Variants in STX1B observed in about 807,000 individuals in gnomAD.
STX1B encodes syntaxin 1B.
STX1B carries 7 observed loss-of-function variants against 39.4 expected under a neutral mutation model. The ratio of observed to expected loss-of-function variants is 0.18; its 90% CI spans 0.10 to 0.33. STX1B has a LOEUF of 0.33. STX1B is among the 10% of genes least tolerant of loss of function. The probability of loss-of-function intolerance (pLI) is 1.00; values close to 1 mark genes in which losing one functional copy is unlikely to be tolerated. For missense variants in STX1B, 198 were observed against 383.2 expected (o/e 0.52, Z 4.04); for synonymous variants, 136 against 144.1 (o/e 0.94, Z 0.40).
At chr16:30,996,635 G>A in intron 7 of STX1B, 48 bp downstream of exon 7, 6 of 1,580,422 alleles carry the variant, frequency 3.8e-6, no homozygotes, top group Non-Finnish European at 5.2e-6. Context: ...CTTAGGGAGG[G>A]GAGGCAAAAA....
At chr16:31,002,029 C>T (rs893487480) in intron 1 of STX1B, among the ~76,000 whole-genome samples, 15 of 152,150 alleles carry the variant, frequency 9.9e-5, no homozygotes, top group Non-Finnish European at 2.1e-4. Flanking sequence ...TACTCCTTCT[C>T]TTCCTCTCCT....
intron 4 of STX1B, among the ~76,000 whole-genome samples, chr16:30,998,741 C>A (rs986914167): frequency 1.3e-5 from 2 of 152,242 alleles, no homozygotes; most frequent in African/African-American, 4.8e-5. Context: ...TAAACCACGG[C>A]CACTTTTCCA....
At chr16:30,997,405 GC>G in intron 5 of STX1B, 96 bp downstream of exon 5, 1 of 492,268 alleles carries the variant, frequency 2.0e-6, no homozygotes, top group Non-Finnish European at 3.5e-6. Flanking sequence ...CCCTGACCAC[GC>G]CCCCGCCGGT....
At chr16:31,003,187 G>A (rs950470583) in intron 1 of STX1B, among the ~76,000 whole-genome samples, 1 of 152,198 alleles carries the variant, frequency 6.6e-6, no homozygotes, top group Non-Finnish European at 1.5e-5. Context: ...GAACTCCAGG[G>A]AGTCTTCACA....
chr16:31,000,961 T>G lies in STX1B; in HGVS notation c.247A>C (p.Lys83Gln). Reference sequence around the variant, plus strand: ...TTGGACCGAACCTTGTTGGCCGTCTTCTTGATGTCTGCAGTGAGATCCTCC... The same window carrying G: ...TTGGACCGAACCTTGTTGGCCGTCTGCTTGATGTCTGCAGTGAGATCCTCC... The part of the protein sequence containing the change: ...ELEDLTADIK[K>Q]TANKVRSKLK... Residue 83 changes from lysine (K) to glutamine (Q), a missense_variant, in exon 4 of 10, where the codon AAG becomes CAG. Transcript: ENST00000215095. The G allele has an allele frequency of 6.2e-7, 1 of 1,614,122 alleles. No homozygotes were observed. The highest frequency in any genetic ancestry group is 8.5e-7 in the Non-Finnish European group (1 of 1,180,018).
intron 1 of STX1B, among the ~76,000 whole-genome samples, chr16:31,010,147 C>T (rs1567381826): frequency 2.0e-5 from 3 of 152,116 alleles, no homozygotes; most frequent in Non-Finnish European, 4.4e-5. Context: ...CCTCTCCTGC[C>T]CCCTTGTGTC....
chr16:31,003,323 T>C (rs1335773901), intron 1 of STX1B, among the ~76,000 whole-genome samples: 3 of 152,090 alleles, frequency 2.0e-5, no homozygotes, highest in Non-Finnish European at 4.4e-5. Flanking sequence ...CCCCAGAAAG[T>C]GGGGCGGCAC....
rs554762823 is a variant in STX1B, at chr16:30,995,009, T to A, written c.538-1525A>T. On this transcript the variant is annotated intron_variant, in intron 7 of 9. Transcript: ENST00000215095. ...TCACTGCGGCCTTGACCTCCTGTAC[T>A]CAGGCAATCCTTCCACCTTAGCCTC... Among the ~76,000 whole-genome samples, 116 of 150,908 alleles carry A rather than the reference T, an allele frequency of 7.7e-4. 1 individual carries two copies. Among genetic ancestry groups the A allele is most frequent in the African/African-American group, 2.8e-3 (114 of 41,146 alleles).
intron 1 of STX1B, among the ~76,000 whole-genome samples, chr16:31,005,096 G>A (rs2143684331): frequency 6.6e-6 from 1 of 152,326 alleles, no homozygotes; most frequent in African/African-American, 2.4e-5. Context: ...CTTGCTGTGT[G>A]ACCCCAGGCA....
At chr16:31,004,108 T>C (rs552553033) in intron 1 of STX1B, among the ~76,000 whole-genome samples, 1 of 152,358 alleles carries the variant, frequency 6.6e-6, no homozygotes, top group Admixed American at 6.5e-5. Flanking sequence ...GGGAAGGCTC[T>C]GTGTCCGGAC....
At position 30,997,012 on chromosome 16, in the gene STX1B, G is replaced by A. The variant is rs768309899; in HGVS notation, c.402C>T (p.Asn134=). The change falls in exon 6 of 10, where the codon AAC becomes AAT. Residue 134 remains asparagine (N), a synonymous_variant. Transcript: ENST00000215095. ...RKFVEVMTEY[N]ATQSKYRDRC... is the part of the protein sequence containing the mutation. ...GGTCCCGGTACTTGGACTGGGTCGC[G>A]TTATATTCGGTCATTACCTCCACGA... is the stretch of plus-strand genomic sequence containing the variant. 5 of 1,610,526 alleles carry A rather than the reference G, an allele frequency of 3.1e-6. No individual in the cohort carries two copies. In the South Asian group the frequency reaches 5.5e-5, roughly 18 times the overall value.
chr16:31,005,687 G>A (rs141761005), intron 1 of STX1B, among the ~76,000 whole-genome samples: 9 of 152,186 alleles, frequency 5.9e-5, no homozygotes, highest in East Asian at 3.9e-4. Flanking sequence ...AGGTGGAGGC[G>A]CAGAGAGATT....
chr16:31,000,707 G>T (rs1015110231), intron 4 of STX1B, among the ~76,000 whole-genome samples: 3 of 151,926 alleles, frequency 2.0e-5, no homozygotes, highest in Non-Finnish European at 1.5e-5. Flanking sequence ...GGCCAGGCTG[G>T]TCTTGAACTC....
In STX1B at chr16:31,001,607, G is replaced by C; in HGVS notation, c.31-4C>G. 1 of 1,612,602 alleles carries C rather than the reference G, an allele frequency of 6.2e-7. No homozygotes were observed. Among genetic ancestry groups the C allele is most frequent in the Non-Finnish European group, 8.5e-7 (1 of 1,179,458 alleles). On this transcript the variant is annotated splice_polypyrimidine_tract_variant and splice_region_variant and intron_variant, in intron 1 of 9. Transcript: ENST00000215095. This position sits in a 1 kb window ranked among gnomAD's most constrained non-coding sequence, Gnocchi z 5.5. ...CTTCATCATCACTGTCTTTCGCCTG[G>C]GGACAAGGAAGGCTGAGTCCATGAG...
chr16:30,997,303 C>G (rs1401305002), intron 5 of STX1B, among the ~76,000 whole-genome samples, 199 bp downstream of exon 5: 1 of 152,200 alleles, frequency 6.6e-6, no homozygotes, highest in East Asian at 1.9e-4. Flanking sequence ...ACTGCTACTG[C>G]GCTGAGATGC....
intron 7 of STX1B, chr16:30,996,146 G>C (rs1380539835): frequency 2.0e-5 from 3 of 151,628 alleles, no homozygotes; most frequent in Non-Finnish European, 4.4e-5. Flanking sequence ...CTGTACTCCA[G>C]CATGGGTGAC....
chr16:30,992,973 C>G (rs1454988115), intron 9 of STX1B, 72 bp from the exon 10 acceptor site: 1 of 1,418,582 alleles, frequency 7.0e-7, no homozygotes, highest in African/African-American at 1.4e-5. Flanking sequence ...CAGGGACAGA[C>G]AGGGCAGAGG....
intron 1 of STX1B, among the ~76,000 whole-genome samples, chr16:31,002,262 C>T (rs1596720303): frequency 1.3e-5 from 2 of 152,094 alleles, no homozygotes; most frequent in Non-Finnish European, 2.9e-5. Context: ...AACTTCACAC[C>T]CACCTACTCT....
intron 1 of STX1B, among the ~76,000 whole-genome samples, chr16:31,006,294 C>A (rs959613103): frequency 2.6e-5 from 4 of 152,166 alleles, no homozygotes; most frequent in Non-Finnish European, 5.9e-5. Flanking sequence ...CTTGCTCCCT[C>A]CCCCTGAGCA....
Sources: gnomAD v4.1 joint callset for allele counts (sites outside exome capture counted in the v4.1 genomes callset) on GRCh38, gnomAD v4.1.1 for gene constraint, Gnocchi (gnomAD v3.1) non-coding constraint, MANE v1.5 for transcripts, NCBI Gene and HGNC (gene_info 2026-07-23, HGNC 2026-07-21) for gene names.